The following MKLN1 variants were observed in gnomAD, a reference collection of about 807,000 sequenced individuals.
MKLN1 encodes muskelin.
In MKLN1, 18 loss-of-function variants were observed where a neutral mutation model predicts 99.0. That is an observed-to-expected ratio of 0.18 (90% CI 0.13 to 0.27). The LOEUF (loss-of-function observed/expected upper bound fraction) is 0.27, where lower values mean the gene tolerates loss of function less well. Ranked by LOEUF, MKLN1 falls within the 10% of genes least tolerant of loss-of-function variation. The probability of loss-of-function intolerance (pLI) is 1.00; values close to 1 mark genes in which losing one functional copy is unlikely to be tolerated. For synonymous variants in MKLN1, 288 were observed against 293.2 expected, an observed-to-expected ratio of 0.98 and a Z score of 0.18; for missense variants, 621 against 875.9, an observed-to-expected ratio of 0.71 and a Z score of 3.67.
At position 131,160,132 on chromosome 7, in the gene MKLN1, AT is replaced by A. The variant is rs1302363616; in HGVS notation, c.-297+17194del. The stretch of plus-strand genomic sequence containing the variant: ...ACTTATCTGCTTTCTGGCTCTATGG[AT>A]TTGCCTAATGTAAATATTCATATAA... On this transcript the variant is annotated intron_variant, in intron 2 of 7. Transcript: ENST00000416992. Among the ~76,000 whole-genome samples, 4 of 152,068 alleles carry A rather than the reference AT, an allele frequency of 2.6e-5. No homozygotes were observed. The East Asian group carries it at 7.7e-4, about 29-fold the overall frequency.
intron 3 of MKLN1, among the ~76,000 whole-genome samples, chr7:131,301,618 CTTGT>C (rs1411757098): frequency 1.3e-5 from 2 of 152,050 alleles, no homozygotes; most frequent in Admixed American, 1.3e-4. Context: ...TTCTTTTCTG[CTTGT>C]TTGTTATGGT....
chr7:131,459,312 A>G (rs1353242210), intron 12 of MKLN1, among the ~76,000 whole-genome samples: 1 of 152,198 alleles, frequency 6.6e-6, no homozygotes, highest in Non-Finnish European at 1.5e-5. Context: ...GAGCTCCTAG[A>G]CAGAAAGGCA....
At chr7:131,234,314 G>C (rs1469327469) in intron 3 of MKLN1, among the ~76,000 whole-genome samples, 4 of 152,122 alleles carry the variant, frequency 2.6e-5, no homozygotes. Flanking sequence ...AGAGTGGATA[G>C]GGGAAGAAGA....
At chr7:131,445,485 C>T (rs1260792684) in intron 11 of MKLN1, among the ~76,000 whole-genome samples, 1 of 152,170 alleles carries the variant, frequency 6.6e-6, no homozygotes, top group East Asian at 1.9e-4. Context: ...CTCTCCCTCT[C>T]TTTTTGTCTG....
At chr7:131,150,987 G>A (rs189269684) in intron 2 of MKLN1, among the ~76,000 whole-genome samples, 17 of 152,244 alleles carry the variant, frequency 1.1e-4, no homozygotes, top group Non-Finnish European at 1.9e-4. Context: ...TTTAAAAAAT[G>A]TTTATTGACC....
At chr7:131,471,751 T>G (rs1796826246) in intron 16 of MKLN1, 1 of 152,238 alleles carries the variant, frequency 6.6e-6, no homozygotes, top group Non-Finnish European at 1.5e-5. Context: ...CCGTGTTAGC[T>G]CCTGCCTTGC....
At chr7:131,298,148 G>A (rs1032794380) in intron 3 of MKLN1, among the ~76,000 whole-genome samples, 2 of 152,158 alleles carry the variant, frequency 1.3e-5, no homozygotes, top group Non-Finnish European at 2.9e-5. Context: ...GCAGGCGCCT[G>A]TAGTCCCAGA....
At position 131,207,739 on chromosome 7, in the gene MKLN1, T is replaced by C. The variant is rs193166686; in HGVS notation, c.-179+4765T>C. ...GGCCCACAGAGGGTCACCTTGGGAT[T>C]GCAAAGGTCTGGAAAAGGCTGAGAG... On this transcript the variant is annotated intron_variant, in intron 3 of 7. Coordinates refer to the MKLN1 transcript ENST00000416992. 1.2e-3 allele frequency among the ~76,000 whole-genome samples: 178 copies of C among 152,186 alleles called. 1 individual carries two copies. Among genetic ancestry groups the C allele is most frequent in the African/African-American group, 4.1e-3 (172 of 41,522 alleles).
intron 3 of MKLN1, among the ~76,000 whole-genome samples, chr7:131,240,023 A>G (rs1355752319): frequency 6.6e-6 from 1 of 152,138 alleles, no homozygotes; most frequent in South Asian, 2.1e-4. Flanking sequence ...TCTATAAAAA[A>G]TTTAAAAATT....
chr7:131,184,381 G>T (rs1427874256), intron 2 of MKLN1, among the ~76,000 whole-genome samples: 1 of 151,918 alleles, frequency 6.6e-6, no homozygotes, highest in Non-Finnish European at 1.5e-5. Flanking sequence ...TCTGTTCTTT[G>T]TTTTTTTCAG....
intron 1 of MKLN1, among the ~76,000 whole-genome samples, chr7:131,118,274 C>G (rs1795308437): frequency 6.6e-6 from 1 of 152,142 alleles, no homozygotes; most frequent in Non-Finnish European, 1.5e-5. Flanking sequence ...TACCTGAGGG[C>G]TGGGTGCAGT....
intron 3 of MKLN1, among the ~76,000 whole-genome samples, chr7:131,249,906 A>G (rs11772659): frequency 0.98 from 148,487 of 152,248 alleles, 72,537 homozygotes; most frequent in East Asian, 1. Context: ...TCTATCTGGA[A>G]GGGTCAGGAA....
chr7:131,224,858 G>A (rs1340668892), intron 3 of MKLN1, among the ~76,000 whole-genome samples: 2 of 151,700 alleles, frequency 1.3e-5, no homozygotes, highest in Non-Finnish European at 2.9e-5. Context: ...CAGATCATGA[G>A]GTCAGGAAAT....
At chr7:131,369,019 C>T (rs900836506) in intron 1 of MKLN1, among the ~76,000 whole-genome samples, 2 of 151,994 alleles carry the variant, frequency 1.3e-5, no homozygotes, top group African/African-American at 4.8e-5. Context: ...CACACACACA[C>T]ACACATATCT....
chr7:131,303,045 TC>T (rs1798398759), intron 3 of MKLN1, among the ~76,000 whole-genome samples: 1 of 152,138 alleles, frequency 6.6e-6, no homozygotes, highest in African/African-American at 2.4e-5. Flanking sequence ...GCCAGAGACT[TC>T]CTGAACCTCC....
chr7:131,301,279 A>T (rs1798373693), intron 3 of MKLN1, among the ~76,000 whole-genome samples: 1 of 152,182 alleles, frequency 6.6e-6, no homozygotes, highest in South Asian at 2.1e-4. Context: ...GGGCTATGAC[A>T]TCAGTGAACT....
intron 9 of MKLN1, among the ~76,000 whole-genome samples, chr7:131,431,280 A>G (rs1019722531): frequency 6.6e-6 from 1 of 152,078 alleles, no homozygotes; most frequent in Non-Finnish European, 1.5e-5. Flanking sequence ...ATTTGATCCT[A>G]TGACACCTCT....
intron 2 of MKLN1, among the ~76,000 whole-genome samples, chr7:131,197,700 C>G (rs1220566129): frequency 6.6e-6 from 1 of 151,992 alleles, no homozygotes; most frequent in Non-Finnish European, 1.5e-5. Context: ...GACACAAACT[C>G]TCTTTCATTT....
chr7:131,358,049 GT>G (rs1205189874), intron 1 of MKLN1, among the ~76,000 whole-genome samples: 6 of 152,134 alleles, frequency 3.9e-5, no homozygotes, highest in Admixed American at 3.3e-4. Flanking sequence ...TGTGTAGACT[GT>G]TTTTTTCCCC....
Sources: gnomAD v4.1 joint callset for allele counts (sites outside exome capture counted in the v4.1 genomes callset) on GRCh38, gnomAD v4.1.1 for gene constraint, MANE v1.5 for transcripts, NCBI Gene and HGNC (gene_info 2026-07-23, HGNC 2026-07-21) for gene names.